Variants in BRD1 observed in about 807,000 individuals in gnomAD.
The protein encoded by BRD1 is bromodomain containing 1.
Under a neutral mutation model 107.7 loss-of-function variants are expected in BRD1, and 24 were observed. The observed-to-expected ratio is 0.22, with a 90% confidence interval of 0.16 to 0.31. The LOEUF is 0.31. Ranked by LOEUF, BRD1 falls within the 10% of genes least tolerant of loss-of-function variation. The pLI is 1.00. For synonymous variants in BRD1, 744 were observed against 686.1 expected, an observed-to-expected ratio of 1.08 and a Z score of -1.32; for missense variants, 1,279 against 1,638.6, an observed-to-expected ratio of 0.78 and a Z score of 3.79.
chr22:49,807,298 C>T (rs1385178552), intron 2 of BRD1: 1 of 152,108 alleles, frequency 6.6e-6, no homozygotes, highest in Non-Finnish European at 1.5e-5. Flanking sequence ...CATATGGAAA[C>T]TCAAGGAACA....
rs2059700267 is a variant in BRD1, at chr22:49,804,316, T to G, written c.1412A>C (p.Gln471Pro). ...GTAGCTGTGGGCTCGCTCCACAAAC[T>G]GCTTCTTCCGCTGAATGGCCACCTG... ...ANQVAIQRKK[Q>P]FVERAHSYWL... Residue 471 changes from glutamine to proline, a missense_variant, in exon 3 of 13, where the codon CAG becomes CCG. Gln to Pro is a moderately conservative substitution (Grantham distance 76). Around this residue, in one of 7 missense-constraint regions of BRD1, gnomAD observed 87 missense variants for 77.1 expected, o/e 1.13. Coordinates refer to ENST00000404760, the MANE Select transcript of BRD1 (RefSeq NM_001304808.3). 6.2e-7 allele frequency: 1 copy of G among 1,609,852 alleles called. No individual in the cohort carries two copies. Among genetic ancestry groups the G allele is most frequent in the Non-Finnish European group, 8.5e-7 (1 of 1,177,866 alleles).
Position 49,774,165 on chromosome 22 carries a change from T to C in BRD1, c.*68A>G. ...ACTAAAAATCAGAATAAGTTAAGTT[T>C]TGAACAATATACAAACATGTACAGC... On this transcript the variant is annotated 3_prime_UTR_variant, in exon 13 of 13. Transcript: ENST00000404760. 4.7e-6 allele frequency: 7 copies of C among 1,477,406 alleles called. No homozygotes were observed. In the South Asian group the frequency reaches 8.6e-5, roughly 18 times the overall value. 91.5% of individuals were successfully genotyped at this position (1,477,406 alleles called of 1,614,324 possible). A position where few individuals can be genotyped will look rare whatever the true frequency, so the allele number is the denominator to read the frequency against.
At chr22:49,812,106 T>G (rs926652141) in intron 2 of BRD1, among the ~76,000 whole-genome samples, 1 of 131,132 alleles carries the variant, frequency 7.6e-6, no homozygotes, top group Non-Finnish European at 1.5e-5. Flanking sequence ...GTCTGCTCCT[T>G]TTTTTTTTTT....
rs2060129068 is a variant in BRD1, at chr22:49,824,833, C to A, written c.-14-502G>T. The A allele has an allele frequency of 2.0e-6, 2 of 1,005,060 alleles. No individual in the cohort carries two copies. Among genetic ancestry groups the A allele is most frequent in the Non-Finnish European group, 2.4e-6 (2 of 840,126 alleles). The allele number at this position is 1,005,060 out of a possible 1,614,324, so 62.3% of individuals were successfully genotyped here. A position where few individuals can be genotyped will look rare whatever the true frequency, so the allele number is the denominator to read the frequency against. On this transcript the variant is annotated intron_variant, in intron 1 of 12. Transcript: ENST00000404760. The surrounding 1 kb of genome is among the most constrained non-coding windows in gnomAD (Gnocchi z 5.9). Reference sequence around the variant, plus strand: ...CCCCCTAAACCACTCTTCCCCTCCCCACTACTCCCAGGAGAGCACTCCCAT... The same window carrying A: ...CCCCCTAAACCACTCTTCCCCTCCCAACTACTCCCAGGAGAGCACTCCCAT...
At chr22:49,825,699 G>A (rs1353654195) in intron 1 of BRD1, 1 of 152,290 alleles carries the variant, frequency 6.6e-6, no homozygotes, top group Non-Finnish European at 1.5e-5. Flanking sequence ...TCGGGGCCCA[G>A]GGGGATCAGG....
chr22:49,800,288 T>C (rs1244667413), intron 3 of BRD1, among the ~76,000 whole-genome samples: 1 of 152,202 alleles, frequency 6.6e-6, no homozygotes, highest in Non-Finnish European at 1.5e-5. Context: ...GGCCTCTCCA[T>C]GGCGAGGCAG....
intron 7 of BRD1, among the ~76,000 whole-genome samples, chr22:49,789,552 T>A (rs2059393440): frequency 7.3e-6 from 1 of 137,432 alleles, no homozygotes; most frequent in Admixed American, 7.7e-5. Context: ...GCAATCCCAA[T>A]GGCCTCTGCA....
At chr22:49,787,298 C>CA in intron 8 of BRD1, 92 bp downstream of exon 8, 1 of 1,011,260 alleles carries the variant, frequency 9.9e-7, no homozygotes, top group Non-Finnish European at 1.4e-6. Flanking sequence ...AGAAGCTGGA[C>CA]ACCCCCCCCC....
In BRD1 at chr22:49,799,033, C is replaced by T; in HGVS notation, c.1611G>A (p.Leu537=). The change falls in exon 4 of 13, where the codon CTG becomes CTA. Residue 537 remains leucine, a synonymous_variant. Transcript: ENST00000404760. ...RLRHDLERAR[L]LIELLRKREK... ...CCCGCTTGCGCAGCAGCTCGATCAG[C>T]AGGCGAGCGCGCTCCAGGTCGTGCC... 6.2e-7 allele frequency: 1 copy of T among 1,611,300 alleles called. No individual in the cohort carries two copies. The highest frequency in any genetic ancestry group is 1.3e-5 in the African/African-American group (1 of 75,068).
intron 1 of BRD1, among the ~76,000 whole-genome samples, chr22:49,825,471 C>T (rs9628144): frequency 0.068 from 10,369 of 152,260 alleles, 1,043 homozygotes; most frequent in African/African-American, 0.22. Flanking sequence ...CCCAACACCA[C>T]GGACTGCGTC....
In BRD1 at chr22:49,823,091, G is replaced by T; in HGVS notation, c.1227C>A (p.Gly409=). Residue 409 remains glycine, a synonymous_variant, in exon 2 of 13, where the codon GGC becomes GGA. Coordinates refer to ENST00000404760, the MANE Select transcript of BRD1 (RefSeq NM_001304808.3). ...NIYGDVEMKN[G]VCRKESSVKT... ...TAACCGAGCTCTCTTTTCGACAGAC[G>T]CCATTTTTCATTTCGACATCCCCGT... 1 of 1,614,140 alleles carries T rather than the reference G, an allele frequency of 6.2e-7. No individual in the cohort carries two copies. The highest frequency in any genetic ancestry group is 8.5e-7 in the Non-Finnish European group (1 of 1,180,042).
intron 6 of BRD1, among the ~76,000 whole-genome samples, chr22:49,796,696 A>T (rs929034474): frequency 6.6e-6 from 1 of 152,154 alleles, no homozygotes; most frequent in Non-Finnish European, 1.5e-5. Flanking sequence ...CCATCCTCCA[A>T]TCCTCACAGG....
chr22:49,825,311 G>A (rs11914010), intron 1 of BRD1, among the ~76,000 whole-genome samples: 1 of 152,150 alleles, frequency 6.6e-6, no homozygotes. Context: ...GCTGCTTGCA[G>A]AGACCCTCAC....
chr22:49,806,722 G>A (rs1284032458), intron 2 of BRD1: 3 of 152,266 alleles, frequency 2.0e-5, no homozygotes, highest in Admixed American at 1.3e-4. Context: ...TAGGAGCCGG[G>A]CGCGGTAGCT....
At position 49,777,049 on chromosome 22, in the gene BRD1, C is replaced by A; in HGVS notation, c.3106G>T (p.Ala1036Ser). ...GGCGACTCACCGGCTGCGATCCTGG[C>A]CGCCTTGGCGTAGTTCCCATTCTCG... Reference protein sequence around the residue: ...CIENGNYAKAARIAAEVGQSS... With the variant: ...CIENGNYAKASRIAAEVGQSS... Residue 1036 changes from alanine to serine, a missense_variant, in exon 10 of 13, where the codon GCC becomes TCC. Coordinates refer to ENST00000404760, the MANE Select transcript of BRD1 (RefSeq NM_001304808.3). The A allele has an allele frequency of 1.2e-6, 2 of 1,613,170 alleles. No individual in the cohort carries two copies. The highest frequency in any genetic ancestry group is 1.1e-5 in the South Asian group (1 of 91,092).
chr22:49,809,263 C>T (rs1052046969), intron 2 of BRD1, among the ~76,000 whole-genome samples: 7 of 151,894 alleles, frequency 4.6e-5, no homozygotes, highest in African/African-American at 1.7e-4. Context: ...AGTTTTAGGC[C>T]AGGTGCAGTG....
intron 6 of BRD1, among the ~76,000 whole-genome samples, chr22:49,797,274 T>C (rs1008028207): frequency 6.6e-6 from 1 of 152,222 alleles, no homozygotes; most frequent in Admixed American, 6.5e-5. Context: ...GAGCCCTTTC[T>C]ACAACATGCG....
rs1318720172 is a variant in BRD1 at position 49,787,406 on chromosome 22, T to C, written c.2841A>G (p.Gly947=). The C allele has an allele frequency of 1.9e-6, 3 of 1,609,270 alleles. No homozygotes were observed. The highest frequency in any genetic ancestry group is 2.5e-6 in the Non-Finnish European group (3 of 1,177,690). The change falls in exon 8 of 13, where the codon GGA becomes GGG. Residue 947 remains glycine (G), a synonymous_variant. Coordinates refer to ENST00000404760, the MANE Select transcript of BRD1 (RefSeq NM_001304808.3). Reference sequence around the variant, plus strand: ...GGCATTTACCTGCGTCCAGGCGCTTTCCTGGGGACTCCTCCTCCACCTCGG... The same window carrying C: ...GGCATTTACCTGCGTCCAGGCGCTTCCCTGGGGACTCCTCCTCCACCTCGG... The part of the protein sequence containing the change: ...GDSEVEEESP[G]KRLDAGLTNG...
At chr22:49,808,090 T>TA (rs1409806599) in intron 2 of BRD1, among the ~76,000 whole-genome samples, 1 of 151,776 alleles carries the variant, frequency 6.6e-6, no homozygotes, top group Non-Finnish European at 1.5e-5. Flanking sequence ...GGCAAGAACG[T>TA]AAAAAGGTGT....
Sources: gnomAD v4.1 joint callset for allele counts (sites outside exome capture counted in the v4.1 genomes callset) on GRCh38, gnomAD v4.1.1 for gene constraint, gnomAD v4.1.1 regional missense constraint, Gnocchi (gnomAD v3.1) non-coding constraint, MANE v1.5 for transcripts, NCBI Gene and HGNC (gene_info 2026-07-23, HGNC 2026-07-21) for gene names.